HMCN1: variants seen among roughly 807,000 people sequenced by gnomAD.
HMCN1 encodes hemicentin-1.
HMCN1 carries 321 observed loss-of-function variants against 625.9 expected under a neutral mutation model. The observed-to-expected ratio is 0.51, with a 90% CI of 0.47 to 0.56. The LOEUF (loss-of-function observed/expected upper bound fraction) is 0.56. Among genes scored for constraint, HMCN1 ranks in the 20% least tolerant of loss-of-function variants. The pLI is 0.00. For synonymous variants in HMCN1, 2,425 were observed against 2,417.6 expected (o/e 1.00, Z -0.09); for missense variants, 6,588 against 6,887.3 (o/e 0.96, Z 1.54).
chr1:186,140,609 G>A (rs1354489450), intron 89 of HMCN1, among the ~76,000 whole-genome samples: 1 of 152,084 alleles, frequency 6.6e-6, no homozygotes, highest in Non-Finnish European at 1.5e-5. Flanking sequence ...GTATTTTGTA[G>A]GGAAACTTAG....
rs1662497270 is a variant in HMCN1 at position 185,856,809 on chromosome 1, G to A, written c.340-7661G>A. Among the ~76,000 whole-genome samples, 3 of 152,184 alleles carry A rather than the reference G, an allele frequency of 2.0e-5. No individual in the cohort carries two copies. In the South Asian group the frequency reaches 6.2e-4, roughly 31 times the overall value. On this transcript the variant is annotated intron_variant, in intron 2 of 106. Coordinates refer to ENST00000271588, the MANE Select transcript of HMCN1 (RefSeq NM_031935.3). ...AAAAACGAGTTCAATGAAAAGACGA[G>A]AATAGAAGAATTGAAATAGGTTGAC... is the stretch of plus-strand genomic sequence containing the variant.
At position 186,040,895 on chromosome 1, in the gene HMCN1, A is replaced by G; in HGVS notation, c.6181-118A>G. On this transcript the variant is annotated intron_variant, in intron 39 of 106. Coordinates refer to ENST00000271588, the MANE Select transcript of HMCN1 (RefSeq NM_031935.3). ...TTGCCTACTTAAAAATGTCCAAGGG[A>G]AAATCTTCCTAAAAGGCAAATGTCA... 7 of 1,084,286 alleles carry G rather than the reference A, an allele frequency of 6.5e-6. No homozygotes were observed. In the South Asian group the frequency reaches 8.9e-5, roughly 14 times the overall value. The allele number at this position is 1,084,286 out of a possible 1,614,324, so 67.2% of individuals were successfully genotyped here. A position where few individuals can be genotyped will look rare whatever the true frequency, so the allele number is the denominator to read the frequency against.
intron 54 of HMCN1, 82 bp from the exon 55 acceptor site, chr1:186,078,025 T>C (rs1658934030): frequency 4.0e-6 from 4 of 1,007,550 alleles, no homozygotes; most frequent in Non-Finnish European, 3.1e-6. Flanking sequence ...AGGCAGTCAT[T>C]AGACCTGAAA....
Position 186,112,945 on chromosome 1 carries a change from C to A in HMCN1, c.11123C>A (p.Thr3708Asn), listed in dbSNP as rs1660959424. 3 of 1,613,938 alleles carry A rather than the reference C, an allele frequency of 1.9e-6. No individual in the cohort carries two copies. The highest frequency in any genetic ancestry group is 1.3e-5 in the African/African-American group (1 of 75,016). The stretch of plus-strand genomic sequence containing the variant: ...AAGACTACAAGAGAATTTATTCTCA[C>A]TGTAAATGGTAAGAAAAGGTATTCA... ...AGKTTREFIL[T>N]VNVPPNIKGG... is the part of the protein sequence containing the mutation. The change falls in exon 72 of 107, where the codon ACT becomes AAT. Residue 3708 changes from threonine (T) to asparagine (N), a missense_variant. By Grantham distance (65) the Thr-to-Asn change is moderately conservative. Around this residue, in one of 3 missense-constraint regions of HMCN1, gnomAD observed 4,628 missense variants for 4,853.1 expected, o/e 0.95. Coordinates refer to ENST00000271588, the MANE Select transcript of HMCN1 (RefSeq NM_031935.3).
At chr1:186,115,058 A>C in intron 74 of HMCN1, 112 bp downstream of exon 74, 12 of 1,500,404 alleles carry the variant, frequency 8.0e-6, no homozygotes, top group Non-Finnish European at 1.1e-5. Context: ...AGCAATTTAC[A>C]TTATGGTATG....
chr1:186,123,127 G>A lies in HMCN1; in HGVS notation c.12406G>A (p.Ala4136Thr), dbSNP rs1433434020. ...CCTCAGCTCTGGCTCTCTGCAAATA[G>A]CATTTGTCCAGCCTGGTGATGCTGG... ...RVLSSGSLQI[A>T]FVQPGDAGHY... is the part of the protein sequence containing the mutation. The change falls in exon 81 of 107, where the codon GCA becomes ACA. Residue 4136 changes from alanine to threonine, a missense_variant. Physicochemically the swap from Ala to Thr is moderately conservative, Grantham distance 58. Coordinates refer to ENST00000271588, the MANE Select transcript of HMCN1 (RefSeq NM_031935.3). 2.4e-5 allele frequency: 39 copies of A among 1,614,078 alleles called. No homozygotes were observed. The highest frequency in any genetic ancestry group is 3.0e-5 in the Non-Finnish European group (35 of 1,179,984).
Position 185,977,674 on chromosome 1 carries a change from T to A in HMCN1, c.2372-113T>A. ...ATATCAACAGGGTAAATTTACAATA[T>A]AATATGAACAATAATTCAAATTCAA... On this transcript the variant is annotated intron_variant, in intron 15 of 106. Transcript: ENST00000271588. The A allele has an allele frequency of 5.2e-6, 4 of 771,626 alleles. No individual in the cohort carries two copies. In the South Asian group the frequency reaches 5.9e-5, roughly 11 times the overall value. 47.8% of individuals were successfully genotyped at this position (771,626 alleles called of 1,614,324 possible). A position where few individuals can be genotyped will look rare whatever the true frequency, so the allele number is the denominator to read the frequency against.
intron 1 of HMCN1, among the ~76,000 whole-genome samples, chr1:185,794,904 C>T (rs1658263779): frequency 6.6e-6 from 1 of 152,082 alleles, no homozygotes; most frequent in Non-Finnish European, 1.5e-5. Context: ...TATATATTCT[C>T]TGTATATTTG....
Position 186,178,577 on chromosome 1 carries a change from A to C in HMCN1, c.16105A>C (p.Ser5369Arg). 1.9e-6 allele frequency: 3 copies of C among 1,614,170 alleles called. No individual in the cohort carries two copies. The South Asian group carries it at 3.3e-5, about 18-fold the overall frequency. Residue 5369 changes from serine to arginine, a missense_variant, in exon 104 of 107, where the codon AGC (serine) becomes CGC (arginine). Physicochemically the swap from Ser to Arg is moderately radical, Grantham distance 110. Around this residue, in one of 3 missense-constraint regions of HMCN1, gnomAD observed 1,954 missense variants for 2,013.1 expected, o/e 0.97. Transcript: ENST00000271588. ...GCCAAATTATGGCACTCAATACAGT[A>C]GCTATAACCTTGCACGGTTCTCCCC... The part of the protein sequence containing the change: ...RLPNYGTQYS[S>R]YNLARFSPVR...
chr1:185,987,597 T>C, intron 20 of HMCN1, 53 bp downstream of exon 20: 1 of 1,196,034 alleles, frequency 8.4e-7, no homozygotes, highest in East Asian at 2.3e-5. Flanking sequence ...GAAGTTCACC[T>C]GCAAGTTATC....
At chr1:186,087,384 A>G (rs1659563159) in intron 59 of HMCN1, 54 bp downstream of exon 59, 2 of 1,599,826 alleles carry the variant, frequency 1.3e-6, no homozygotes, top group South Asian at 1.1e-5. Flanking sequence ...GGTATTCAAT[A>G]TTTTCTATCT....
At chr1:185,909,311 C>G (rs1666279966) in intron 4 of HMCN1, 26 bp from the exon 5 acceptor site, 1 of 1,585,772 alleles carries the variant, frequency 6.3e-7, no homozygotes, top group Non-Finnish European at 8.7e-7. Flanking sequence ...TCTGATATCA[C>G]TTACACTTCT....
In HMCN1 at chr1:186,074,827, A is replaced by G. The variant is rs1223112202; in HGVS notation, c.8226A>G (p.Arg2742=). The G allele has an allele frequency of 3.1e-6, 5 of 1,613,118 alleles. No individual in the cohort carries two copies. Among genetic ancestry groups the G allele is most frequent in the Non-Finnish European group, 4.2e-6 (5 of 1,179,360 alleles). The change falls in exon 53 of 107, where the codon CGA becomes CGG. Residue 2742 remains arginine, a synonymous_variant. Coordinates refer to ENST00000271588, the MANE Select transcript of HMCN1 (RefSeq NM_031935.3). ...IKEAQISDTG[R]YTCVASNIAG... ...AGGCTCAAATATCAGACACCGGACG[A>G]TATACTTGTGTAGCATCTAACATTG...
In HMCN1 at chr1:186,120,022, G is replaced by A; in HGVS notation, c.12106G>A (p.Ala4036Thr). The change falls in exon 80 of 107, where the codon GCA (alanine) becomes ACA (threonine). Residue 4036 changes from alanine to threonine, a missense_variant. Coordinates refer to ENST00000271588, the MANE Select transcript of HMCN1 (RefSeq NM_031935.3). ...TAACTATGTTGTAGGCAGAAACCATGCAGTTCTTCCTAGTGGCGGCTTACA... is the reference window on the plus strand; with the variant it reads ...TAACTATGTTGTAGGCAGAAACCATACAGTTCTTCCTAGTGGCGGCTTACA... ...INVNTSGRNH[A>T]VLPSGGLQIS... 2.5e-6 allele frequency: 4 copies of A among 1,613,880 alleles called. No homozygotes were observed. Among genetic ancestry groups the A allele is most frequent in the Non-Finnish European group, 3.4e-6 (4 of 1,179,934 alleles).
chr1:185,747,260 G>A (rs569235909), intron 1 of HMCN1, among the ~76,000 whole-genome samples: 53 of 152,010 alleles, frequency 3.5e-4, no homozygotes, highest in Middle Eastern at 3.4e-3. Context: ...ATGGAGAAAG[G>A]CATTAATGTT....
At chr1:186,155,196 C>A (rs926590024) in intron 97 of HMCN1, among the ~76,000 whole-genome samples, 1 of 152,262 alleles carries the variant, frequency 6.6e-6, no homozygotes, top group South Asian at 2.1e-4. Flanking sequence ...TTTCCTTCAA[C>A]TTGTATCAGA....
chr1:185,998,331 G>A (rs868146691), intron 25 of HMCN1, among the ~76,000 whole-genome samples: 2 of 152,098 alleles, frequency 1.3e-5, no homozygotes, highest in Non-Finnish European at 2.9e-5. Flanking sequence ...GCAACTGAAG[G>A]CCCTCATGGC....
intron 28 of HMCN1, among the ~76,000 whole-genome samples, chr1:186,002,441 T>C (rs1295247620): frequency 6.6e-6 from 1 of 152,134 alleles, no homozygotes; most frequent in African/African-American, 2.4e-5. Context: ...GCATAAAAAT[T>C]ATATTCATAA....
At chr1:186,062,083 A>T (rs994711371) in intron 47 of HMCN1, 119 bp downstream of exon 47, 8 of 640,964 alleles carry the variant, frequency 1.2e-5, no homozygotes, top group Non-Finnish European at 2.2e-5. Context: ...CTGGACTGTG[A>T]CTCTTGGCAA....
Sources: gnomAD v4.1 joint callset for allele counts (sites outside exome capture counted in the v4.1 genomes callset) on GRCh38, gnomAD v4.1.1 for gene constraint, gnomAD v4.1.1 regional missense constraint, MANE v1.5 for transcripts, NCBI Gene and HGNC (gene_info 2026-07-23, HGNC 2026-07-21) for gene names.